UMOD: variants seen among roughly 807,000 people sequenced by gnomAD.
UMOD encodes Tamm-Horsfall urinary glycoprotein.
A neutral mutation model predicts 66.0 loss-of-function variants in UMOD; 64 were observed. The observed-to-expected ratio is 0.97, with a 90% CI of 0.79 to 1.19. The LOEUF (loss-of-function observed/expected upper bound fraction) is 1.19. Ranked by LOEUF, UMOD falls within the 50% of genes most tolerant of loss-of-function variation. UMOD has a pLI of 0.00. For synonymous variants in UMOD, 398 were observed against 352.7 expected (o/e 1.13, Z -1.44); for missense variants, 764 against 850.9 (o/e 0.90, Z 1.27).
intron 1 of UMOD, among the ~76,000 whole-genome samples, chr16:20,352,248 G>T (rs1359789149): frequency 6.6e-6 from 1 of 152,026 alleles, no homozygotes; most frequent in East Asian, 1.9e-4. Context: ...AATTTGTATT[G>T]CTTACTGACA....
intron 8 of UMOD, 137 bp downstream of exon 8, chr16:20,337,154 C>G (rs1964920127): frequency 8.2e-7 from 1 of 1,218,852 alleles, no homozygotes; most frequent in Non-Finnish European, 1.2e-6. Flanking sequence ...TCCTGCCTAG[C>G]CACGCCCACC....
chr16:20,335,357 A>G, intron 10 of UMOD, 125 bp downstream of exon 10: 1 of 959,020 alleles, frequency 1.0e-6, no homozygotes, highest in Non-Finnish European at 1.6e-6. Flanking sequence ...CACTCTCCTT[A>G]TTTAGAAAAC....
chr16:20,334,041 A>T (rs555049985), intron 10 of UMOD, among the ~76,000 whole-genome samples: 2 of 151,390 alleles, frequency 1.3e-5, no homozygotes, highest in African/African-American at 2.4e-5. Flanking sequence ...TCAAAAAAAA[A>T]AAAAAAAAAA....
intron 10 of UMOD, among the ~76,000 whole-genome samples, chr16:20,333,681 G>A (rs2141623510): frequency 6.6e-6 from 1 of 152,304 alleles, no homozygotes; most frequent in East Asian, 1.9e-4. Context: ...AAGCCTCTTA[G>A]GAGTGCTGTG....
At chr16:20,344,198 G>T (rs368831760) in intron 5 of UMOD, 26 bp from the exon 6 acceptor site, 11 of 1,484,750 alleles carry the variant, frequency 7.4e-6, no homozygotes, top group African/African-American at 5.6e-5. Flanking sequence ...GGGGTGGAGG[G>T]GGGGTGGGGA....
intron 6 of UMOD, among the ~76,000 whole-genome samples, chr16:20,341,803 G>C (rs980818886): frequency 2.6e-5 from 4 of 152,302 alleles, no homozygotes; most frequent in South Asian, 2.1e-4. Flanking sequence ...CCTACAACTT[G>C]CGTCCTGGCC....
chr16:20,352,888 C>T, upstream of UMOD: 1 of 495,212 alleles, frequency 2.0e-6, no homozygotes, highest in Non-Finnish European at 3.2e-6. Flanking sequence ...TGTTCTTTTT[C>T]CTAATAGCTA....
Position 20,341,206 on chromosome 16 carries a change from CCA to C in UMOD, c.1460_1461del (p.Val487GlyfsTer25). ...VTLSTEAFLY[V>X]GTMLDGGDLS... ...AGGTCGCCCCCATCCAACATGGTGC[CCA>C]CGTAGAGAAAAGCCTCAGTGGACAG... On this transcript the variant is annotated frameshift_variant, in exon 7 of 11. Coordinates refer to ENST00000396138, the MANE Select transcript of UMOD (RefSeq NM_003361.4). LOFTEE classifies it high-confidence loss of function. 6.2e-7 allele frequency: 1 copy of C among 1,613,970 alleles called. No individual in the cohort carries two copies. The highest frequency in any genetic ancestry group is 8.5e-7 in the Non-Finnish European group (1 of 1,179,996).
In UMOD at chr16:20,352,689, C is replaced by G; in HGVS notation, c.-103G>C. 8.1e-7 allele frequency: 1 copy of G among 1,231,714 alleles called. No homozygotes were observed. The highest frequency in any genetic ancestry group is 4.1e-5 in the South Asian group (1 of 24,318). The allele number at this position is 1,231,714 out of a possible 1,614,324, so 76.3% of individuals were successfully genotyped here. On this transcript the variant is annotated splice_region_variant and 5_prime_UTR_variant, in exon 1 of 11. Coordinates refer to ENST00000396138, the MANE Select transcript of UMOD (RefSeq NM_003361.4). ...AGAAGACAGCTACAGATAGCCTTAC[C>G]TGAAGCCAGAAAGGTAGAGTTAGTC...
At chr16:20,355,808 A>T (rs7203642), upstream of UMOD, among the ~76,000 whole-genome samples, 2 of 152,010 alleles carry the variant, frequency 1.3e-5, no homozygotes, top group Non-Finnish European at 2.9e-5. Flanking sequence ...CACTGTGCTC[A>T]GTGCTTTTGC....
In UMOD at chr16:20,335,998, C is replaced by T. The variant is rs185770631; in HGVS notation, c.1823-478G>A. Among the ~76,000 whole-genome samples the T allele has an allele frequency of 6.2e-4, 95 of 152,274 alleles. 1 individual carries two copies. The highest frequency in any genetic ancestry group is 4.8e-3 in the Admixed American group (73 of 15,294). On this transcript the variant is annotated intron_variant, in intron 9 of 10. Coordinates refer to ENST00000396138, the MANE Select transcript of UMOD (RefSeq NM_003361.4). ...CTTAGTTTATAGTTTAAAACAAAGACGATAACAGCCCTTTCCAAAAACAAA... is the reference window on the plus strand; with the variant it reads ...CTTAGTTTATAGTTTAAAACAAAGATGATAACAGCCCTTTCCAAAAACAAA...
In UMOD at chr16:20,349,013, T is replaced by G. The variant is rs1965755063; in HGVS notation, c.288A>C (p.Glu96Asp). Residue 96 changes from glutamate (E) to aspartate (D), a missense_variant, in exon 3 of 11, where the codon GAA becomes GAC. Coordinates refer to ENST00000396138, the MANE Select transcript of UMOD (RefSeq NM_003361.4). ...CGAGACCGGGCGACAGGCGGAAGCC[T>G]TCGGGGCAGACGCAGGAGAAGGAGC... ...TPGSFSCVCP[E>D]GFRLSPGLGC... 1.9e-6 allele frequency: 3 copies of G among 1,585,730 alleles called. No homozygotes were observed. Among genetic ancestry groups the G allele is most frequent in the Non-Finnish European group, 2.6e-6 (3 of 1,166,198 alleles).
In UMOD at chr16:20,344,175, G is replaced by C. The variant is rs1469985663; in HGVS notation, c.1183-3C>G. 1 of 1,386,832 alleles carries C rather than the reference G, an allele frequency of 7.2e-7. No individual in the cohort carries two copies. The highest frequency in any genetic ancestry group is 1.7e-5 in the Admixed American group (1 of 58,144). The allele number at this position is 1,386,832 out of a possible 1,614,324, so 85.9% of individuals were successfully genotyped here. On this transcript the variant is annotated splice_polypyrimidine_tract_variant and splice_region_variant and intron_variant, in intron 5 of 10. Coordinates refer to ENST00000396138, the MANE Select transcript of UMOD (RefSeq NM_003361.4). ...TAAGTGGCATGGGTTTCATTCCTCT[G>C]TTGCAGGGAATGGGGGTGGAGGGGG...
At chr16:20,352,035 CAGAA>C (rs10605003) in intron 1 of UMOD, among the ~76,000 whole-genome samples, 2,376 of 137,390 alleles carry the variant, frequency 0.017, 64 homozygotes, top group African/African-American at 0.062. Context: ...AAAAAAAAGA[CAGAA>C]AGAAAGAAAA....
chr16:20,334,321 A>G (rs1256646566), intron 10 of UMOD, among the ~76,000 whole-genome samples: 1 of 152,128 alleles, frequency 6.6e-6, no homozygotes, highest in Non-Finnish European at 1.5e-5. Context: ...GAATGAATCT[A>G]GAAAAAGGTG....
chr16:20,341,009 A>G, intron 7 of UMOD, 82 bp downstream of exon 7: 2 of 1,347,774 alleles, frequency 1.5e-6, no homozygotes. Flanking sequence ...AAAAAAAAAA[A>G]GATGCAATTT....
chr16:20,356,087 C>G (rs1390807995), upstream of UMOD: 2 of 152,122 alleles, frequency 1.3e-5, no homozygotes, highest in East Asian at 3.9e-4. Flanking sequence ...ATTGATCAAA[C>G]AGAACACAAA....
At chr16:20,346,583 C>T (rs955933049) in intron 4 of UMOD, among the ~76,000 whole-genome samples, 6 of 152,080 alleles carry the variant, frequency 3.9e-5, no homozygotes, top group Admixed American at 2.6e-4. Context: ...AAATGCAGGA[C>T]GGTTTTGGGG....
At chr16:20,351,116 T>C (rs1338613297) in intron 1 of UMOD, 2 of 310,122 alleles carry the variant, frequency 6.4e-6, no homozygotes, top group Non-Finnish European at 1.3e-5. Flanking sequence ...GATGGAATAG[T>C]GTTCTGGACT....
Sources: gnomAD v4.1 joint callset for allele counts (sites outside exome capture counted in the v4.1 genomes callset) on GRCh38, gnomAD v4.1.1 for gene constraint, MANE v1.5 for transcripts, NCBI Gene and HGNC (gene_info 2026-07-23, HGNC 2026-07-21) for gene names.